The following CADM2 variants were observed in gnomAD, a reference collection of about 807,000 sequenced individuals.
CADM2 encodes immunoglobulin superfamily member 4D.
A neutral mutation model predicts 49.8 loss-of-function variants in CADM2; 12 were observed. That is an observed-to-expected ratio of 0.24 (90% CI 0.15 to 0.39). CADM2 has a LOEUF of 0.39. Ranked by LOEUF, CADM2 falls within the 10% of genes least tolerant of loss-of-function variation. CADM2 has a pLI of 1.00. For synonymous variants in CADM2, 214 were observed against 175.4 expected (o/e 1.22, Z -1.74); for missense variants, 378 against 492.3 (o/e 0.77, Z 2.20).
chr3:85,574,030 T>C (rs1318897212), intron 1 of CADM2, among the ~76,000 whole-genome samples: 4 of 152,220 alleles, frequency 2.6e-5, no homozygotes, highest in African/African-American at 9.6e-5. Context: ...ATGAGACATT[T>C]CATCTGTCTC....
intron 1 of CADM2, among the ~76,000 whole-genome samples, chr3:85,699,589 C>A (rs1200426981): frequency 6.6e-6 from 1 of 152,228 alleles, no homozygotes; most frequent in East Asian, 1.9e-4. Flanking sequence ...GTGGCCTGAG[C>A]TTTACCTGGG....
At chr3:85,949,391 T>C (rs1723122231) in intron 7 of CADM2, among the ~76,000 whole-genome samples, 1 of 151,292 alleles carries the variant, frequency 6.6e-6, no homozygotes, top group African/African-American at 2.4e-5. Flanking sequence ...ACAATAAGCA[T>C]ATCAGCTATG....
At chr3:86,002,086 A>G (rs1032894807) in intron 8 of CADM2, among the ~76,000 whole-genome samples, 1 of 152,224 alleles carries the variant, frequency 6.6e-6, no homozygotes, top group Non-Finnish European at 1.5e-5. Context: ...TAGGTTACTG[A>G]TTCAATCCAG....
chr3:85,850,347 C>CA (rs2075053751), intron 3 of CADM2, among the ~76,000 whole-genome samples: 1 of 109,268 alleles, frequency 9.2e-6, no homozygotes, highest in African/African-American at 3.5e-5. Context: ...TTTTTTGAGA[C>CA]AGAGTCTCGC....
chr3:85,328,357 A>G (rs1326673475), intron 1 of CADM2, among the ~76,000 whole-genome samples: 1 of 152,180 alleles, frequency 6.6e-6, no homozygotes, highest in Non-Finnish European at 1.5e-5. Context: ...CTATAACTCT[A>G]ATTTCATTTA....
At chr3:85,575,706 A>T (rs544669041) in intron 1 of CADM2, among the ~76,000 whole-genome samples, 70 of 152,354 alleles carry the variant, frequency 4.6e-4, no homozygotes, top group Admixed American at 9.1e-4. Context: ...CTTTCACAAA[A>T]AGTATGTTTT....
At chr3:85,399,452 C>T (rs1314204754) in intron 1 of CADM2, among the ~76,000 whole-genome samples, 6 of 152,148 alleles carry the variant, frequency 3.9e-5, no homozygotes, top group Admixed American at 6.6e-5. Context: ...ATTCTCTTGG[C>T]AATGCGGGCT....
chr3:85,073,091 G>A (rs899584515), intron 1 of CADM2, among the ~76,000 whole-genome samples: 2 of 152,044 alleles, frequency 1.3e-5, no homozygotes, highest in Admixed American at 1.3e-4. Context: ...AATGGTAGTG[G>A]CAATGTGTCC....
At chr3:85,268,298 T>C (rs1172468907) in intron 1 of CADM2, among the ~76,000 whole-genome samples, 2 of 151,538 alleles carry the variant, frequency 1.3e-5, no homozygotes, top group African/African-American at 2.4e-5. Context: ...CAAATAATTT[T>C]ATTTAATTTA....
chr3:85,352,279 A>G (rs1454550738), intron 1 of CADM2, among the ~76,000 whole-genome samples: 2 of 152,272 alleles, frequency 1.3e-5, no homozygotes, highest in South Asian at 2.1e-4. Flanking sequence ...AAGCAGCACT[A>G]GAAGACAAAC....
At chr3:84,981,135 ACCCCACAACAGT>A (rs1238976476) in intron 1 of CADM2, among the ~76,000 whole-genome samples, 2 of 45,868 alleles carry the variant, frequency 4.4e-5, no homozygotes, top group Non-Finnish European at 8.0e-5. Context: ...CCCTCCCCCC[ACCCCACAACAGT>A]CCCCAGAGTG....
Position 86,071,779 on chromosome 3 carries a change from A to G in CADM2, c.*4996A>G, listed in dbSNP as rs984411924. On this transcript the variant is annotated 3_prime_UTR_variant, in exon 10 of 10. Transcript: ENST00000383699. ...TAGCTTTTCCTAAAGGCAAAATATTATAACTTTATAAGAATAGTCCTTCTC... is the reference window on the plus strand; with the variant it reads ...TAGCTTTTCCTAAAGGCAAAATATTGTAACTTTATAAGAATAGTCCTTCTC... 1.3e-5 allele frequency: 2 copies of G among 151,964 alleles called. No individual in the cohort carries two copies. The highest frequency in any genetic ancestry group is 4.8e-5 in the African/African-American group (2 of 41,426). The allele number at this position is 151,964 out of a possible 1,614,324, so 9.4% of individuals were successfully genotyped here.
chr3:85,018,055 TAGAC>T (rs1195428168), intron 1 of CADM2, among the ~76,000 whole-genome samples: 1 of 152,184 alleles, frequency 6.6e-6, no homozygotes, highest in African/African-American at 2.4e-5. Context: ...ACCTTCTAGT[TAGAC>T]AGAAATAGAC....
intron 1 of CADM2, among the ~76,000 whole-genome samples, chr3:84,969,408 A>T (rs997953540): frequency 7.2e-5 from 11 of 151,882 alleles, no homozygotes; most frequent in African/African-American, 2.7e-4. Context: ...TTCTTATTTC[A>T]TGAGAGAACT....
At chr3:85,359,331 G>GTTTTTTGTGTTATT (rs2032134869) in intron 1 of CADM2, among the ~76,000 whole-genome samples, 2 of 151,934 alleles carry the variant, frequency 1.3e-5, no homozygotes, top group African/African-American at 4.8e-5. Context: ...AAGCTGGACA[G>GTTTTTTGTGTTATT]AGAAATTTTG....
intron 8 of CADM2, among the ~76,000 whole-genome samples, chr3:86,026,880 T>C (rs1733963720): frequency 6.6e-6 from 1 of 152,174 alleles, no homozygotes; most frequent in African/African-American, 2.4e-5. Context: ...AAATAAAATA[T>C]ATTGGTTCAA....
chr3:85,814,099 G>C (rs897024372), intron 3 of CADM2, among the ~76,000 whole-genome samples: 1 of 151,986 alleles, frequency 6.6e-6, no homozygotes, highest in Admixed American at 6.6e-5. Context: ...TAGGTTGATG[G>C]GGATAGCATT....
intron 1 of CADM2, among the ~76,000 whole-genome samples, chr3:85,664,730 T>C (rs12494196): frequency 0.71 from 107,331 of 151,884 alleles, 38,002 homozygotes; most frequent in East Asian, 0.8. Context: ...CTTTCCATTG[T>C]CTTCCAACCT....
At chr3:84,980,149 T>C (rs1364733033) in intron 1 of CADM2, among the ~76,000 whole-genome samples, 2 of 152,182 alleles carry the variant, frequency 1.3e-5, no homozygotes, top group South Asian at 2.1e-4. Context: ...TTATAGGCGT[T>C]CTAGAAGGTC....
Sources: gnomAD v4.1 joint callset for allele counts (sites outside exome capture counted in the v4.1 genomes callset) on GRCh38, gnomAD v4.1.1 for gene constraint, MANE v1.5 for transcripts, NCBI Gene and HGNC (gene_info 2026-07-23, HGNC 2026-07-21) for gene names.